The following DNAJB1 variants were observed in gnomAD, a reference collection of about 807,000 sequenced individuals.
DNAJB1 encodes DnaJ heat shock protein family (Hsp40) member B1.
Under a neutral mutation model 24.0 loss-of-function variants are expected in DNAJB1, and 14 were observed. The ratio of observed to expected loss-of-function variants is 0.58; its 90% CI spans 0.39 to 0.91. DNAJB1 has a LOEUF of 0.91. DNAJB1 is among the 40% of genes least tolerant of loss of function. The pLI is 0.00. For missense variants in DNAJB1, 517 were observed against 458.1 expected (o/e 1.13, Z -1.17); for synonymous variants, 262 against 174.4 (o/e 1.50, Z -3.96).
intron 1 of DNAJB1, among the ~76,000 whole-genome samples, chr19:14,543,145 G>A (rs983114353): frequency 1.3e-5 from 2 of 151,356 alleles, no homozygotes; most frequent in Non-Finnish European, 2.9e-5. Flanking sequence ...ACAGGCTGAA[G>A]TCACGGAGCT....
chr19:14,525,434 T>G (rs1198737765), intron 2 of DNAJB1, among the ~76,000 whole-genome samples: 1 of 151,896 alleles, frequency 6.6e-6, no homozygotes, highest in Non-Finnish European at 1.5e-5. Context: ...AATGGATGAA[T>G]GGATAAACAA....
intron 1 of DNAJB1, among the ~76,000 whole-genome samples, chr19:14,548,761 G>A (rs980545244): frequency 2.6e-5 from 4 of 152,018 alleles, no homozygotes; most frequent in Non-Finnish European, 4.4e-5. Flanking sequence ...TATTTTGGTA[G>A]AGACGGGTTC....
upstream of DNAJB1, among the ~76,000 whole-genome samples, chr19:14,532,722 A>C (rs1026689254): frequency 6.6e-6 from 1 of 152,170 alleles, no homozygotes; most frequent in Non-Finnish European, 1.5e-5. Flanking sequence ...AGATTAGTTT[A>C]ACTGCATGTG....
At chr19:14,536,649 C>G (rs1210647644) in intron 1 of DNAJB1, 1 of 152,116 alleles carries the variant, frequency 6.6e-6, no homozygotes, top group Non-Finnish European at 1.5e-5. Context: ...GTGCATCTTC[C>G]CAACTCTGTG....
At chr19:14,519,296 G>A (rs1225562020), upstream of DNAJB1, among the ~76,000 whole-genome samples, 1 of 152,218 alleles carries the variant, frequency 6.6e-6, no homozygotes, top group Non-Finnish European at 1.5e-5. Flanking sequence ...TTGAATCGGG[G>A]AGGCGGAGGT....
rs2072249461 is a variant in DNAJB1 at position 14,515,936 on chromosome 19, A to C, written c.*4T>G. On this transcript the variant is annotated 3_prime_UTR_variant, in exon 3 of 3. Coordinates refer to ENST00000254322, the MANE Select transcript of DNAJB1 (RefSeq NM_006145.3). ...CCTGGTCAGTCCTTGGGGAGCTCAG[A>C]TAGCTATATTGGAAGAACCTGCTCA... The C allele has an allele frequency of 6.2e-7, 1 of 1,605,454 alleles. No homozygotes were observed.
chr19:14,542,400 G>C (rs1227819211), intron 1 of DNAJB1, among the ~76,000 whole-genome samples: 7 of 115,078 alleles, frequency 6.1e-5, no homozygotes, highest in African/African-American at 1.6e-4. Flanking sequence ...TCGCTTTTGT[G>C]GCCCAGTCTG....
upstream of DNAJB1, among the ~76,000 whole-genome samples, chr19:14,522,238 C>T (rs2072368337): frequency 1.3e-5 from 2 of 152,090 alleles, no homozygotes; most frequent in South Asian, 4.1e-4. Context: ...AGCACGTCTA[C>T]AGTTGCTTGA....
chr19:14,554,445 G>T (rs2073647689), upstream of DNAJB1, among the ~76,000 whole-genome samples: 1 of 152,090 alleles, frequency 6.6e-6, no homozygotes, highest in Non-Finnish European at 1.5e-5. Flanking sequence ...GTGCCTTGCT[G>T]GGTCCTGTGG....
chr19:14,529,571 G>A (rs748387906), upstream of DNAJB1: 9 of 1,458,004 alleles, frequency 6.2e-6, no homozygotes, highest in South Asian at 9.2e-5. Context: ...CGGCCTGGAG[G>A]GGCGGGGCGG....
upstream of DNAJB1, chr19:14,533,864 C>T (rs1471041760): frequency 6.6e-6 from 1 of 152,162 alleles, no homozygotes; most frequent in Non-Finnish European, 1.5e-5. Context: ...GGTAAGCGAA[C>T]TGCTTATCCT....
intron 1 of DNAJB1, among the ~76,000 whole-genome samples, chr19:14,557,268 G>A (rs968519255): frequency 1.2e-4 from 18 of 151,606 alleles, no homozygotes; most frequent in Middle Eastern, 3.4e-3. Context: ...AACCTCCTGA[G>A]TAGCTGGGAT....
intron 2 of DNAJB1, among the ~76,000 whole-genome samples, chr19:14,523,683 T>C (rs535724321): frequency 2.7e-5 from 4 of 148,728 alleles, no homozygotes; most frequent in African/African-American, 1.0e-4. Flanking sequence ...AGTGGCACAA[T>C]CTTGGCTCAC....
chr19:14,530,191 G>T (rs2072576389), upstream of DNAJB1: 1 of 188,198 alleles, frequency 5.3e-6, no homozygotes, highest in Admixed American at 5.4e-5. Flanking sequence ...AGGCGGTGAG[G>T]GAGGTGCAGC....
chr19:14,518,845 C>T (rs953329403), upstream of DNAJB1, among the ~76,000 whole-genome samples: 10 of 152,262 alleles, frequency 6.6e-5, no homozygotes, highest in Non-Finnish European at 1.0e-4. Context: ...CTCGTGGGGC[C>T]TGCGGTGGGC....
At chr19:14,532,763 T>A (rs978491054), upstream of DNAJB1, among the ~76,000 whole-genome samples, 1 of 152,092 alleles carries the variant, frequency 6.6e-6, no homozygotes, top group African/African-American at 2.4e-5. Flanking sequence ...ATAGAAAGGA[T>A]GCTTTCACTC....
upstream of DNAJB1, among the ~76,000 whole-genome samples, chr19:14,522,095 A>T (rs1430260802): frequency 6.6e-6 from 1 of 152,172 alleles, no homozygotes; most frequent in Non-Finnish European, 1.5e-5. Context: ...TTCAGCAGAT[A>T]TTGGGCTCTT....
rs1159723995 is a variant in DNAJB1, at chr19:14,517,005, C to T, written c.253G>A (p.Ala85Thr). The T allele has an allele frequency of 3.7e-6, 6 of 1,607,342 alleles. No individual in the cohort carries two copies. Among genetic ancestry groups the T allele is most frequent in the Non-Finnish European group, 5.1e-6 (6 of 1,177,380 alleles). The change falls in exon 2 of 3, where the codon GCC (alanine) becomes ACC (threonine). Residue 85 changes from alanine to threonine, a missense_variant. Transcript: ENST00000254322. ...GTGTAGCTGAAAGAGGTACCATTGG[C>T]ACCACCGCCGCTACCGCCACTGGGG... ...SGPSGGSGGG[A>T]NGTSFSYTFH...
At chr19:14,522,003 T>G (rs1186780119), upstream of DNAJB1, among the ~76,000 whole-genome samples, 1 of 151,952 alleles carries the variant, frequency 6.6e-6, no homozygotes, top group African/African-American at 2.4e-5. Context: ...CCAGTAACTC[T>G]CTCCTAATGG....
Sources: gnomAD v4.1 joint callset for allele counts (sites outside exome capture counted in the v4.1 genomes callset) on GRCh38, gnomAD v4.1.1 for gene constraint, MANE v1.5 for transcripts, NCBI Gene and HGNC (gene_info 2026-07-23, HGNC 2026-07-21) for gene names.